SLIT2: variants seen among roughly 807,000 people sequenced by gnomAD.
SLIT2 encodes slit homolog 2 protein.
Under a neutral mutation model 185.7 loss-of-function variants are expected in SLIT2, and 41 were observed. That is an observed-to-expected ratio of 0.22 (90% CI 0.17 to 0.29). The LOEUF (loss-of-function observed/expected upper bound fraction) is 0.29. Among genes scored for constraint, SLIT2 ranks in the 10% least tolerant of loss-of-function variants. The pLI, the probability that SLIT2 is intolerant of heterozygous loss-of-function variation, is 1.00. For missense variants in SLIT2, 1,571 were observed against 1,909.0 expected (o/e 0.82, Z 3.30); for synonymous variants, 693 against 680.2 (o/e 1.02, Z -0.29).
At chr4:20,618,399 A>G (rs1377487118) in intron 36 of SLIT2, among the ~76,000 whole-genome samples, 1 of 152,230 alleles carries the variant, frequency 6.6e-6, no homozygotes, top group Non-Finnish European at 1.5e-5. Flanking sequence ...CAGGTCTAAT[A>G]AATAAAATGG....
intron 4 of SLIT2, among the ~76,000 whole-genome samples, chr4:20,435,267 C>T (rs1394023376): frequency 6.6e-6 from 1 of 152,106 alleles, no homozygotes; most frequent in Non-Finnish European, 1.5e-5. Context: ...GTTGGTATGA[C>T]AACCAGTGGT....
At chr4:20,468,436 C>T (rs1714600170) in intron 5 of SLIT2, among the ~76,000 whole-genome samples, 1 of 151,938 alleles carries the variant, frequency 6.6e-6, no homozygotes, top group Non-Finnish European at 1.5e-5. Flanking sequence ...TCCCTCATAT[C>T]CTCATGAAAG....
intron 4 of SLIT2, among the ~76,000 whole-genome samples, chr4:20,382,975 G>A (rs954329527): frequency 3.9e-5 from 6 of 152,122 alleles, no homozygotes; most frequent in African/African-American, 1.4e-4. Context: ...AGAAAAGAGA[G>A]TCAAGAAATA....
At chr4:20,489,202 A>T (rs1258012501) in intron 8 of SLIT2, among the ~76,000 whole-genome samples, 1 of 152,218 alleles carries the variant, frequency 6.6e-6, no homozygotes, top group Non-Finnish European at 1.5e-5. Flanking sequence ...ATGATAAAAC[A>T]CTTTTCAGTT....
chr4:20,342,012 A>G (rs546086396), intron 4 of SLIT2, among the ~76,000 whole-genome samples: 13 of 152,200 alleles, frequency 8.5e-5, no homozygotes, highest in African/African-American at 2.9e-4. Flanking sequence ...TAATAATGAT[A>G]TTAGGGTAAA....
intron 4 of SLIT2, among the ~76,000 whole-genome samples, chr4:20,417,293 C>T (rs1464743865): frequency 6.6e-6 from 1 of 151,662 alleles, no homozygotes; most frequent in Non-Finnish European, 1.5e-5. Context: ...AGATAGGGCT[C>T]CAGCTTTCTC....
intron 26 of SLIT2, among the ~76,000 whole-genome samples, chr4:20,560,344 A>G (rs965730515): frequency 1.3e-5 from 2 of 151,996 alleles, no homozygotes; most frequent in Non-Finnish European, 2.9e-5. Context: ...CTATTTTAAT[A>G]AAGACAAAAG....
chr4:20,590,891 C>G (rs1727464048), intron 30 of SLIT2, among the ~76,000 whole-genome samples: 1 of 152,196 alleles, frequency 6.6e-6, no homozygotes, highest in African/African-American at 2.4e-5. Context: ...AGGATTTATA[C>G]TTACCAGTTG....
intron 28 of SLIT2, 92 bp downstream of exon 28, chr4:20,567,707 G>C: frequency 1.0e-6 from 1 of 977,422 alleles, no homozygotes; most frequent in Admixed American, 2.0e-5. Context: ...TCAAAGGACA[G>C]TATTTTTCAA....
At position 20,616,987 on chromosome 4, in the gene SLIT2, C is replaced by T. The variant is rs769004362; in HGVS notation, c.3925C>T (p.Arg1309Trp). ...QNGTSFHGCI[R>W]NLYINSELQD... is the part of the protein sequence containing the mutation. ...CGGAACCAGCTTCCACGGCTGCATC[C>T]GGAACCTTTACATCAACAGTGAGCT... Residue 1309 changes from arginine to tryptophan, a missense_variant, in exon 35 of 37, where the codon CGG becomes TGG. Transcript: ENST00000504154. The T allele has an allele frequency of 3.7e-6, 6 of 1,614,118 alleles. No homozygotes were observed. The highest frequency in any genetic ancestry group is 2.2e-5 in the East Asian group (1 of 44,858).
In SLIT2 at chr4:20,582,255, G is replaced by A. The variant is rs947819563; in HGVS notation, c.3089-7389G>A. On this transcript the variant is annotated intron_variant, in intron 29 of 36. Transcript: ENST00000504154. ...CTGCCTCCTGCAGAAGCCTCTGTCAGAGCTCTTCATTCTCCACTTCACCCT... is the reference window on the plus strand; with the variant it reads ...CTGCCTCCTGCAGAAGCCTCTGTCAAAGCTCTTCATTCTCCACTTCACCCT... Among the ~76,000 whole-genome samples the A allele has an allele frequency of 2.0e-5, 3 of 152,248 alleles. No homozygotes were observed. In the East Asian group the frequency reaches 5.8e-4, roughly 29 times the overall value.
At chr4:20,591,203 A>G (rs989614249) in intron 30 of SLIT2, among the ~76,000 whole-genome samples, 3 of 152,154 alleles carry the variant, frequency 2.0e-5, no homozygotes, top group African/African-American at 7.2e-5. Flanking sequence ...CTCAATTGCC[A>G]TAGAATTCAG....
intron 4 of SLIT2, among the ~76,000 whole-genome samples, chr4:20,307,231 T>TTTTCTTCCTTCCTTCCTTCCTTCCTTCC (rs1717661465): frequency 1.7e-5 from 1 of 57,706 alleles, no homozygotes; most frequent in Non-Finnish European, 3.4e-5. Flanking sequence ...CTCTATTTCT[T>TTTTCTTCCTTCCTTCCTTCCTTCCTTCC]TTCCTTCCTT....
intron 4 of SLIT2, among the ~76,000 whole-genome samples, chr4:20,465,093 C>T (rs1239254990): frequency 6.6e-6 from 1 of 152,096 alleles, no homozygotes; most frequent in Non-Finnish European, 1.5e-5. Flanking sequence ...AAGTCGGAGG[C>T]TAGGATGAGT....
At chr4:20,296,497 G>A (rs1716498046) in intron 4 of SLIT2, among the ~76,000 whole-genome samples, 1 of 152,168 alleles carries the variant, frequency 6.6e-6, no homozygotes, top group Non-Finnish European at 1.5e-5. Flanking sequence ...AGGGGTATTT[G>A]TAGAGAACCT....
chr4:20,398,340 C>T (rs893841804), intron 4 of SLIT2, among the ~76,000 whole-genome samples: 22 of 151,924 alleles, frequency 1.4e-4, no homozygotes, highest in South Asian at 8.3e-4. Context: ...TTACTGGCTT[C>T]AGTGGTCTTA....
intron 4 of SLIT2, among the ~76,000 whole-genome samples, chr4:20,391,721 CTGACT>C (rs1725431381): frequency 6.6e-6 from 1 of 151,970 alleles, no homozygotes. Flanking sequence ...CTGATGGTTC[CTGACT>C]TGACTTATGT....
At chr4:20,472,348 ATATAGATATC>A (rs1715298766) in intron 5 of SLIT2, among the ~76,000 whole-genome samples, 1 of 78,860 alleles carries the variant, frequency 1.3e-5, no homozygotes, top group Non-Finnish European at 2.3e-5. Flanking sequence ...CTATATATAG[ATATAGATATC>A]TATATAGATA....
At chr4:20,496,959 G>T (rs933302775) in intron 9 of SLIT2, among the ~76,000 whole-genome samples, 11 of 152,002 alleles carry the variant, frequency 7.2e-5, no homozygotes. Context: ...TAAATGCATA[G>T]AATTTTTAAT....
Sources: allele counts gnomAD v4.1 joint callset (sites outside exome capture counted in the v4.1 genomes callset), GRCh38; gene constraint gnomAD v4.1.1; transcripts MANE v1.5; gene names NCBI Gene and HGNC (gene_info 2026-07-23, HGNC 2026-07-21).